The following PLEKHA3 variants were observed in gnomAD, a reference collection of about 807,000 sequenced individuals.
The protein encoded by PLEKHA3 is pleckstrin homology domain containing A3.
A neutral mutation model predicts 39.2 loss-of-function variants in PLEKHA3; 19 were observed. The observed-to-expected ratio is 0.48, with a 90% CI of 0.34 to 0.71. The LOEUF is 0.71. PLEKHA3 is among the 30% of genes least tolerant of loss of function. PLEKHA3 has a pLI of 0.01. For synonymous variants in PLEKHA3, 97 were observed against 118.6 expected (o/e 0.82, Z 1.18); for missense variants, 253 against 359.5 (o/e 0.70, Z 2.40).
Position 178,511,572 on chromosome 2 carries a change from T to A in PLEKHA3, c.*7685T>A, listed in dbSNP as rs180882808. ...GTATTTTTACAAAAATTTTTCACCA[T>A]GTTGGCCAGGGTGGTCTCAAACTCC... On this transcript the variant is annotated 3_prime_UTR_variant, in exon 8 of 8. Coordinates refer to ENST00000234453, the MANE Select transcript of PLEKHA3 (RefSeq NM_019091.4). The A allele has an allele frequency of 2.0e-5, 3 of 152,348 alleles. No homozygotes were observed. In the East Asian group the frequency reaches 5.8e-4, roughly 29 times the overall value. 9.4% of individuals were successfully genotyped at this position (152,348 alleles called of 1,614,324 possible).
At chr2:178,492,849 C>T (rs1019593867) in intron 3 of PLEKHA3, among the ~76,000 whole-genome samples, 38 of 152,104 alleles carry the variant, frequency 2.5e-4, no homozygotes, top group African/African-American at 8.7e-4. Context: ...TTTACAAATA[C>T]GAATGTACTT....
chr2:178,480,532 A>C lies in PLEKHA3; in HGVS notation c.-338A>C. On this transcript the variant is annotated 5_prime_UTR_variant, in exon 1 of 8. Coordinates refer to ENST00000234453, the MANE Select transcript of PLEKHA3 (RefSeq NM_019091.4). ...CAGGGGGAAGGAAGGCAGGCGAGGAAGAGGCAGCGCCGGGGCGCCGGAGGG... is the reference window on the plus strand; with the variant it reads ...CAGGGGGAAGGAAGGCAGGCGAGGACGAGGCAGCGCCGGGGCGCCGGAGGG... The C allele has an allele frequency of 1.5e-5, 3 of 195,358 alleles. No individual in the cohort carries two copies. Among genetic ancestry groups the C allele is most frequent in the Non-Finnish European group, 3.1e-5 (3 of 96,284 alleles). 12.1% of individuals were successfully genotyped at this position (195,358 alleles called of 1,614,324 possible). A position where few individuals can be genotyped will look rare whatever the true frequency, so the allele number is the denominator to read the frequency against.
intron 1 of PLEKHA3, among the ~76,000 whole-genome samples, chr2:178,484,949 G>T (rs1265937654): frequency 6.6e-6 from 1 of 152,210 alleles, no homozygotes; most frequent in Non-Finnish European, 1.5e-5. Context: ...CCCTAGCTGT[G>T]CAACTGCAGA....
rs1157442456 is a variant in PLEKHA3 at position 178,504,523 on chromosome 2, A to G, written c.*636A>G. The G allele has an allele frequency of 6.6e-6, 1 of 152,384 alleles. No individual in the cohort carries two copies. The highest frequency in any genetic ancestry group is 2.4e-5 in the African/African-American group (1 of 41,428). The allele number at this position is 152,384 out of a possible 1,614,324, so 9.4% of individuals were successfully genotyped here. ...TTTTGGGTTAAAGTGTTTAATTTTT[A>G]TGTATTTATTTTCTTGTTGCCTCAA... is the stretch of plus-strand genomic sequence containing the variant. On this transcript the variant is annotated 3_prime_UTR_variant, in exon 8 of 8. Transcript: ENST00000234453.
intron 7 of PLEKHA3, among the ~76,000 whole-genome samples, chr2:178,503,008 T>C (rs140709624): frequency 2.0e-5 from 3 of 152,160 alleles, no homozygotes; most frequent in East Asian, 1.9e-4. Context: ...GCAGTCTTAG[T>C]TGAAAGTTGT....
Position 178,516,430 on chromosome 2 carries a change from T to G in PLEKHA3, c.*12543T>G, listed in dbSNP as rs2154128428. The G allele has an allele frequency of 6.6e-6, 1 of 152,286 alleles. No individual in the cohort carries two copies. 9.4% of individuals were successfully genotyped at this position (152,286 alleles called of 1,614,324 possible). ...CTGCTTGTCGAAAATATTGTAGTAA[T>G]TTTATAAATTCAATAAAACCTGAGT... On this transcript the variant is annotated 3_prime_UTR_variant, in exon 8 of 8. Coordinates refer to ENST00000234453, the MANE Select transcript of PLEKHA3 (RefSeq NM_019091.4).
At chr2:178,494,622 A>G (rs1163220857) in intron 4 of PLEKHA3, among the ~76,000 whole-genome samples, 3 of 152,162 alleles carry the variant, frequency 2.0e-5, no homozygotes, top group African/African-American at 7.2e-5. Context: ...TAAGAAGCCC[A>G]AGGACAAACT....
rs1219723854 is a variant in PLEKHA3, at chr2:178,512,541, A to T, written c.*8654A>T. 6.6e-6 allele frequency: 1 copy of T among 152,488 alleles called. No individual in the cohort carries two copies. The highest frequency in any genetic ancestry group is 2.4e-5 in the African/African-American group (1 of 41,452). 9.4% of individuals were successfully genotyped at this position (152,488 alleles called of 1,614,324 possible). A position where few individuals can be genotyped will look rare whatever the true frequency, so the allele number is the denominator to read the frequency against. On this transcript the variant is annotated 3_prime_UTR_variant, in exon 8 of 8. Coordinates refer to ENST00000234453, the MANE Select transcript of PLEKHA3 (RefSeq NM_019091.4). Reference sequence around the variant, plus strand: ...ATCTCAATATAAAGTATATTGCCAGATCTGGCAGCATGGGGACAATTAGGA... The same window carrying T: ...ATCTCAATATAAAGTATATTGCCAGTTCTGGCAGCATGGGGACAATTAGGA...
chr2:178,499,983 TAA>T (rs1359810886), intron 6 of PLEKHA3, among the ~76,000 whole-genome samples: 1 of 152,130 alleles, frequency 6.6e-6, no homozygotes, highest in East Asian at 1.9e-4. Context: ...GTTGTTTCAT[TAA>T]GAGAGAAAGA....
At chr2:178,502,556 A>C (rs1487332278) in intron 7 of PLEKHA3, 1 of 174,528 alleles carries the variant, frequency 5.7e-6, no homozygotes, top group African/African-American at 2.4e-5. Flanking sequence ...TTCATGAAGG[A>C]GTTCTGTATG....
chr2:178,484,925 T>A (rs1170002042), intron 1 of PLEKHA3, among the ~76,000 whole-genome samples: 1 of 152,214 alleles, frequency 6.6e-6, no homozygotes, highest in Non-Finnish European at 1.5e-5. Context: ...CAATTGCAGT[T>A]TCTAGGATTT....
intron 5 of PLEKHA3, among the ~76,000 whole-genome samples, chr2:178,496,981 T>G (rs1260655305): frequency 2.0e-5 from 3 of 152,068 alleles, no homozygotes; most frequent in Non-Finnish European, 4.4e-5. Flanking sequence ...AGATGGAGTC[T>G]CATTTTGTTG....
Position 178,495,532 on chromosome 2 carries a change from T to C in PLEKHA3, c.487T>C (p.Cys163Arg). The stretch of plus-strand genomic sequence containing the variant: ...AGCCTCTTCTCTGCTTAGTGCCACG[T>C]GTAACACATTCATCACAACGCTTGA... ...NEASSLLSAT[C>R]NTFITTLEEC... Residue 163 changes from cysteine (C) to arginine (R), a missense_variant, in exon 5 of 8, where the codon TGT (cysteine) becomes CGT (arginine). Around this residue, in one of 2 missense-constraint regions of PLEKHA3, gnomAD observed 126 missense variants for 222.7 expected, o/e 0.57. Transcript: ENST00000234453. 6.2e-7 allele frequency: 1 copy of C among 1,614,108 alleles called. No individual in the cohort carries two copies.
chr2:178,481,740 A>G (rs530338493), intron 1 of PLEKHA3: 1 of 152,910 alleles, frequency 6.5e-6, no homozygotes, highest in African/African-American at 2.4e-5. Context: ...GGCCAGGGTG[A>G]TTAGTTATTT....
intron 7 of PLEKHA3, 88 bp from the exon 8 acceptor site, chr2:178,503,672 C>T: frequency 7.2e-7 from 1 of 1,390,166 alleles, no homozygotes; most frequent in Non-Finnish European, 9.9e-7. Flanking sequence ...ATTTCATGTC[C>T]CTGAACAGGA....
At chr2:178,492,906 A>G (rs1307896862) in intron 3 of PLEKHA3, among the ~76,000 whole-genome samples, 1 of 152,216 alleles carries the variant, frequency 6.6e-6, no homozygotes, top group African/African-American at 2.4e-5. Flanking sequence ...AAAATAGTAA[A>G]TTTTATGTTT....
rs369613369 is a variant in PLEKHA3 at position 178,503,936 on chromosome 2, C to T, written c.*49C>T. Reference sequence around the variant, plus strand: ...TCTAAGTATTGCTATGCAAAAGCTGCTGTAATTAAACTATTGTTATAGGGA... The same window carrying T: ...TCTAAGTATTGCTATGCAAAAGCTGTTGTAATTAAACTATTGTTATAGGGA... On this transcript the variant is annotated 3_prime_UTR_variant, in exon 8 of 8. Transcript: ENST00000234453. 6 of 1,600,564 alleles carry T rather than the reference C, an allele frequency of 3.7e-6. No homozygotes were observed. Among genetic ancestry groups the T allele is most frequent in the Middle Eastern group, 1.7e-4 (1 of 5,980 alleles).
At chr2:178,482,632 T>C (rs1685188049) in intron 1 of PLEKHA3, among the ~76,000 whole-genome samples, 1 of 151,854 alleles carries the variant, frequency 6.6e-6, no homozygotes, top group Non-Finnish European at 1.5e-5. Flanking sequence ...TTCCTAAGCA[T>C]GGTGTTGTGG....
chr2:178,494,868 A>C (rs887971915), intron 4 of PLEKHA3, among the ~76,000 whole-genome samples: 8 of 151,880 alleles, frequency 5.3e-5, no homozygotes, highest in African/African-American at 1.9e-4. Context: ...TTGAATCGGG[A>C]AACAAAAATC....
Sources: gnomAD v4.1 joint callset for allele counts (sites outside exome capture counted in the v4.1 genomes callset) on GRCh38, gnomAD v4.1.1 for gene constraint, gnomAD v4.1.1 regional missense constraint, MANE v1.5 for transcripts, NCBI Gene and HGNC (gene_info 2026-07-23, HGNC 2026-07-21) for gene names.